Variants in CCSER1 observed in about 807,000 individuals in gnomAD.
CCSER1 encodes the protein coiled-coil serine rich protein 1.
In CCSER1, 41 loss-of-function variants were observed where a neutral mutation model predicts 82.0. The observed-to-expected ratio is 0.50, with a 90% CI of 0.39 to 0.65. The LOEUF (loss-of-function observed/expected upper bound fraction) is 0.65. Ranked by LOEUF, CCSER1 falls within the 30% of genes least tolerant of loss-of-function variation. The probability of loss-of-function intolerance (pLI) is 0.00; values close to 1 mark genes in which losing one functional copy is unlikely to be tolerated. For synonymous variants in CCSER1, 414 were observed against 383.9 expected (o/e 1.08, Z -0.92); for missense variants, 1,119 against 1,064.2 (o/e 1.05, Z -0.72).
intron 10 of CCSER1, among the ~76,000 whole-genome samples, chr4:91,556,509 A>G (rs935776663): frequency 4.6e-5 from 7 of 151,124 alleles, no homozygotes; most frequent in East Asian, 1.9e-4. Context: ...CACATTGTGC[A>G]TATGTACTCT....
chr4:90,838,749 C>T (rs922171450), intron 8 of CCSER1, among the ~76,000 whole-genome samples: 2 of 152,154 alleles, frequency 1.3e-5, no homozygotes, highest in African/African-American at 4.8e-5. Context: ...GCGCGGCCTT[C>T]GTTGTCAGTA....
chr4:90,338,072 A>G (rs1396985467), intron 3 of CCSER1, among the ~76,000 whole-genome samples: 2 of 152,182 alleles, frequency 1.3e-5, no homozygotes, highest in East Asian at 3.9e-4. Context: ...TACTAATGTG[A>G]ATATTGTACT....
At chr4:90,280,007 T>G (rs1010890625) in intron 1 of CCSER1, among the ~76,000 whole-genome samples, 5 of 152,006 alleles carry the variant, frequency 3.3e-5, no homozygotes, top group Non-Finnish European at 7.4e-5. Flanking sequence ...AGTTAAGGGA[T>G]CTCGTTTTAA....
At chr4:91,439,064 A>G (rs1754908003) in intron 10 of CCSER1, among the ~76,000 whole-genome samples, 1 of 152,212 alleles carries the variant, frequency 6.6e-6, no homozygotes, top group African/African-American at 2.4e-5. Flanking sequence ...TCTGCAGGAT[A>G]TTATCCAGGA....
At chr4:90,161,923 G>A (rs1298015331) in intron 1 of CCSER1, among the ~76,000 whole-genome samples, 1 of 152,042 alleles carries the variant, frequency 6.6e-6, no homozygotes, top group East Asian at 1.9e-4. Context: ...TGAAAATAAA[G>A]TGCTACCTTT....
intron 3 of CCSER1, among the ~76,000 whole-genome samples, chr4:90,330,023 G>C (rs1212613291): frequency 3.3e-5 from 5 of 151,982 alleles, no homozygotes; most frequent in African/African-American, 1.2e-4. Flanking sequence ...AAATAACATA[G>C]AAGAAAATAA....
Position 90,345,298 on chromosome 4 carries a change from C to A in CCSER1, c.1509+32251C>A, listed in dbSNP as rs568772725. 1.2e-4 allele frequency among the ~76,000 whole-genome samples: 18 copies of A among 152,090 alleles called. 1 individual carries two copies. In the South Asian group the frequency reaches 2.5e-3, roughly 21 times the overall value. On this transcript the variant is annotated intron_variant, in intron 3 of 10. Coordinates refer to ENST00000509176, the MANE Select transcript of CCSER1 (RefSeq NM_001145065.2). ...AGAAACAAGAGATTGAGTTGTCTCC[C>A]AAACAGTAAGGGTACTATGTGTGTT...
intron 7 of CCSER1, among the ~76,000 whole-genome samples, chr4:90,805,927 G>A (rs1285234559): frequency 6.6e-6 from 1 of 152,064 alleles, no homozygotes; most frequent in Admixed American, 6.5e-5. Flanking sequence ...TTAAAAATAT[G>A]TTCTAGAATT....
At chr4:90,742,831 G>C (rs1442497012) in intron 7 of CCSER1, among the ~76,000 whole-genome samples, 1 of 152,158 alleles carries the variant, frequency 6.6e-6, no homozygotes. Flanking sequence ...GTTATTTTTT[G>C]TTTCGTAAAA....
At chr4:90,694,827 T>TGTG (rs58731267) in intron 6 of CCSER1, among the ~76,000 whole-genome samples, 16 of 150,886 alleles carry the variant, frequency 1.1e-4, no homozygotes, top group Admixed American at 9.9e-4. Flanking sequence ...TGTGTGTGTG[T>TGTG]TTTAGTTTAT....
chr4:91,036,640 G>A (rs574977988), intron 9 of CCSER1, among the ~76,000 whole-genome samples: 30 of 151,690 alleles, frequency 2.0e-4, no homozygotes, highest in Middle Eastern at 3.4e-3. Flanking sequence ...CTAAAGTGAG[G>A]GTATAATATA....
At chr4:91,471,403 T>G (rs986640270) in intron 10 of CCSER1, among the ~76,000 whole-genome samples, 1 of 151,650 alleles carries the variant, frequency 6.6e-6, no homozygotes, top group Admixed American at 6.6e-5. Context: ...GCTGAAACAG[T>G]CAGACCTACA....
At chr4:91,249,775 T>G (rs1370668751) in intron 10 of CCSER1, among the ~76,000 whole-genome samples, 1 of 152,138 alleles carries the variant, frequency 6.6e-6, no homozygotes, top group Non-Finnish European at 1.5e-5. Flanking sequence ...ATTAAGTTTC[T>G]CCTGGGTATC....
At chr4:91,322,037 G>A (rs1392338218) in intron 10 of CCSER1, among the ~76,000 whole-genome samples, 2 of 151,972 alleles carry the variant, frequency 1.3e-5, no homozygotes, top group Non-Finnish European at 2.9e-5. Context: ...ATTCAAAAGA[G>A]GCACTGAATG....
At chr4:91,480,906 G>A (rs1211504205) in intron 10 of CCSER1, among the ~76,000 whole-genome samples, 2 of 152,156 alleles carry the variant, frequency 1.3e-5, no homozygotes, top group Non-Finnish European at 2.9e-5. Flanking sequence ...TCTACTGGGA[G>A]TACATTTTTG....
chr4:90,436,207 T>C (rs1011455719), intron 4 of CCSER1, among the ~76,000 whole-genome samples: 5 of 152,192 alleles, frequency 3.3e-5, no homozygotes, highest in Non-Finnish European at 1.5e-5. Flanking sequence ...TAATCAGTTA[T>C]ATTTAAGTGA....
chr4:90,908,585 G>A lies in CCSER1; in HGVS notation c.2095-14785G>A, dbSNP rs114876800. Among the ~76,000 whole-genome samples the A allele has an allele frequency of 6.4e-3, 969 of 152,094 alleles. 6 individuals carry two copies. Among genetic ancestry groups the A allele is most frequent in the African/African-American group, 0.021 (859 of 41,492 alleles). ...TACTTAAATTAATATATCCAAAATC[G>A]TATGATTTTAAGATGCAATAAATAT... On this transcript the variant is annotated intron_variant, in intron 8 of 10. Coordinates refer to ENST00000509176, the MANE Select transcript of CCSER1 (RefSeq NM_001145065.2).
intron 1 of CCSER1, among the ~76,000 whole-genome samples, chr4:90,260,404 A>C (rs149711940): frequency 2.6e-5 from 4 of 152,304 alleles, no homozygotes; most frequent in Non-Finnish European, 5.9e-5. Flanking sequence ...TCTTTGGTCC[A>C]GCAGTAATTG....
intron 10 of CCSER1, among the ~76,000 whole-genome samples, chr4:91,285,862 A>T (rs1158547887): frequency 6.6e-6 from 1 of 151,802 alleles, no homozygotes; most frequent in African/African-American, 2.4e-5. Context: ...TTTTTTCTAT[A>T]CACAAATGTT....
Sources: gnomAD v4.1 joint callset for allele counts (sites outside exome capture counted in the v4.1 genomes callset) on GRCh38, gnomAD v4.1.1 for gene constraint, MANE v1.5 for transcripts, NCBI Gene and HGNC (gene_info 2026-07-23, HGNC 2026-07-21) for gene names.